The following CCNY variants were observed in gnomAD, a reference collection of about 807,000 sequenced individuals.
The protein encoded by CCNY is cyclin Y.
A neutral mutation model predicts 42.8 loss-of-function variants in CCNY; 19 were observed. That is an observed-to-expected ratio of 0.44 (90% CI 0.31 to 0.65). The LOEUF (loss-of-function observed/expected upper bound fraction) is 0.65, where lower values mean the gene tolerates loss of function less well. Among genes scored for constraint, CCNY ranks in the 30% least tolerant of loss-of-function variants. The pLI is 0.07. For synonymous variants in CCNY, 165 were observed against 162.7 expected (o/e 1.01, Z -0.11); for missense variants, 370 against 437.3 (o/e 0.85, Z 1.37).
intron 1 of CCNY, among the ~76,000 whole-genome samples, chr10:35,464,573 T>C (rs929834975): frequency 1.3e-5 from 2 of 152,138 alleles, no homozygotes; most frequent in African/African-American, 4.8e-5. Flanking sequence ...CTTTTTTTTT[T>C]TTTTAAATTA....
intron 4 of CCNY, among the ~76,000 whole-genome samples, chr10:35,517,797 G>T (rs1002444410): frequency 1.3e-5 from 2 of 152,242 alleles, no homozygotes; most frequent in African/African-American, 4.8e-5. Context: ...CTCTGTCTTA[G>T]CTCCACCACG....
At chr10:35,264,491 T>A (rs2095722905) in intron 3 of CCNY, among the ~76,000 whole-genome samples, 2 of 152,204 alleles carry the variant, frequency 1.3e-5, no homozygotes, top group African/African-American at 4.8e-5. Context: ...TTTTTTGACA[T>A]TTTAATAATA....
intron 3 of CCNY, among the ~76,000 whole-genome samples, chr10:35,263,849 A>G (rs1263477166): frequency 6.6e-6 from 1 of 152,130 alleles, no homozygotes; most frequent in East Asian, 1.9e-4. Flanking sequence ...CTCCCCCAAC[A>G]GGCCCTAGTG....
intron 3 of CCNY, among the ~76,000 whole-genome samples, chr10:35,276,884 C>A (rs375616942): frequency 6.6e-6 from 1 of 152,336 alleles, no homozygotes; most frequent in East Asian, 1.9e-4. Flanking sequence ...GAGTGTGGCC[C>A]ATCACCTTCA....
chr10:35,425,603 G>A (rs913241233), intron 1 of CCNY, among the ~76,000 whole-genome samples: 7 of 152,220 alleles, frequency 4.6e-5, no homozygotes, highest in Non-Finnish European at 8.8e-5. Context: ...ACAAAGAACA[G>A]TATGGTAAGA....
intron 1 of CCNY, among the ~76,000 whole-genome samples, chr10:35,361,290 A>G (rs12777168): frequency 0.29 from 43,874 of 152,046 alleles, 6,616 homozygotes; most frequent in Admixed American, 0.35. Context: ...ATGACTTTAT[A>G]ATTTTTTTGT....
intron 3 of CCNY, among the ~76,000 whole-genome samples, chr10:35,290,706 A>C (rs1835403856): frequency 1.3e-5 from 2 of 152,136 alleles, no homozygotes; most frequent in South Asian, 4.1e-4. Context: ...TCACATCTGT[A>C]ATCCCAGTAC....
At chr10:35,552,530 C>A (rs1841280742) in intron 7 of CCNY, among the ~76,000 whole-genome samples, 1 of 152,082 alleles carries the variant, frequency 6.6e-6, no homozygotes, top group Non-Finnish European at 1.5e-5. Context: ...TGCCGCTGAA[C>A]TGAAAATGGT....
chr10:35,293,540 A>G (rs756797298), intron 3 of CCNY, among the ~76,000 whole-genome samples: 5 of 152,182 alleles, frequency 3.3e-5, no homozygotes, highest in Non-Finnish European at 7.3e-5. Flanking sequence ...CTGAATCTGT[A>G]GGTCAACTTG....
rs929230264 is a variant in CCNY at position 35,570,582 on chromosome 10, A to G, written c.*1412A>G. Reference sequence around the variant, plus strand: ...CATATGTAATGCTTTGGGTTTTTGCATATTTTCTTAGGTCACAGTGACAGG... The same window carrying G: ...CATATGTAATGCTTTGGGTTTTTGCGTATTTTCTTAGGTCACAGTGACAGG... On this transcript the variant is annotated 3_prime_UTR_variant, in exon 10 of 10. Transcript: ENST00000374704. The G allele has an allele frequency of 2.6e-5, 4 of 152,320 alleles. No individual in the cohort carries two copies. Among genetic ancestry groups the G allele is most frequent in the South Asian group, 2.1e-4 (1 of 4,828 alleles). The allele number at this position is 152,320 out of a possible 1,614,324, so 9.4% of individuals were successfully genotyped here.
chr10:35,487,462 C>T (rs1270962671), intron 2 of CCNY, among the ~76,000 whole-genome samples: 2 of 152,126 alleles, frequency 1.3e-5, no homozygotes, highest in African/African-American at 2.4e-5. Context: ...TCTCTTTCCC[C>T]TCAGCACTTC....
At chr10:35,384,980 A>G (rs147184409) in intron 1 of CCNY, among the ~76,000 whole-genome samples, 47 of 152,302 alleles carry the variant, frequency 3.1e-4, no homozygotes, top group African/African-American at 1.1e-3. Context: ...GCACCATTTC[A>G]GCTAAAGGCA....
chr10:35,422,993 G>C (rs896158536), intron 1 of CCNY, among the ~76,000 whole-genome samples: 2 of 152,158 alleles, frequency 1.3e-5, no homozygotes, highest in Non-Finnish European at 2.9e-5. Flanking sequence ...CACAGTTACT[G>C]CTTTAGTTAA....
In CCNY at chr10:35,566,108, C is replaced by T. The variant is rs1188751914; in HGVS notation, c.832C>T (p.Leu278Phe). 6.2e-7 allele frequency: 1 copy of T among 1,614,226 alleles called. No individual in the cohort carries two copies. Among genetic ancestry groups the T allele is most frequent in the East Asian group, 2.2e-5 (1 of 44,886 alleles). The change falls in exon 9 of 10, where the codon CTT (leucine) becomes TTT (phenylalanine). Residue 278 changes from leucine (L) to phenylalanine (F), a missense_variant. Physicochemically the swap from Leu to Phe is conservative, Grantham distance 22. Transcript: ENST00000374704. ...TGTCTATGCCAAGTATTATTTTGATCTTCGTTCTCTGGCAGAAGCGAACAA... is the reference window on the plus strand; with the variant it reads ...TGTCTATGCCAAGTATTATTTTGATTTTCGTTCTCTGGCAGAAGCGAACAA... Reference protein sequence around the residue: ...SSVYAKYYFDLRSLAEANNLS... With the variant: ...SSVYAKYYFDFRSLAEANNLS...
intron 1 of CCNY, among the ~76,000 whole-genome samples, chr10:35,464,956 G>T (rs917744052): frequency 6.6e-6 from 1 of 152,130 alleles, no homozygotes; most frequent in African/African-American, 2.4e-5. Flanking sequence ...CATTTGCTGG[G>T]TATTAAAATA....
At chr10:35,528,852 T>A (rs923874958) in intron 5 of CCNY, among the ~76,000 whole-genome samples, 1 of 152,362 alleles carries the variant, frequency 6.6e-6, no homozygotes, top group Non-Finnish European at 1.5e-5. Flanking sequence ...ATGTTTGTCA[T>A]GATAAGTGTG....
At chr10:35,293,949 C>T (rs1305253501) in intron 3 of CCNY, among the ~76,000 whole-genome samples, 1 of 152,118 alleles carries the variant, frequency 6.6e-6, no homozygotes. Context: ...TGCCACCACA[C>T]TCGGCTACTT....
intron 1 of CCNY, among the ~76,000 whole-genome samples, chr10:35,372,673 C>G (rs1836963014): frequency 6.6e-6 from 1 of 152,162 alleles, no homozygotes; most frequent in Non-Finnish European, 1.5e-5. Context: ...AACTGTGTAT[C>G]CCATTTCATA....
intron 1 of CCNY, among the ~76,000 whole-genome samples, chr10:35,479,726 T>C (rs1695834144): frequency 6.6e-6 from 1 of 151,112 alleles, no homozygotes; most frequent in African/African-American, 2.4e-5. Context: ...ACCTGCACAA[T>C]GTGCACATGT....
Sources: gnomAD v4.1 joint callset for allele counts (sites outside exome capture counted in the v4.1 genomes callset) on GRCh38, gnomAD v4.1.1 for gene constraint, MANE v1.5 for transcripts, NCBI Gene and HGNC (gene_info 2026-07-23, HGNC 2026-07-21) for gene names.